Variants in GRIA1 observed in about 807,000 individuals in gnomAD.
The protein encoded by GRIA1 is glutamate receptor 1.
Under a neutral mutation model 99.2 loss-of-function variants are expected in GRIA1, and 31 were observed. The observed-to-expected ratio is 0.31, with a 90% CI of 0.23 to 0.42. The LOEUF (loss-of-function observed/expected upper bound fraction) is 0.42, where lower values mean the gene tolerates loss of function less well. Among genes scored for constraint, GRIA1 ranks in the 10% least tolerant of loss-of-function variants. GRIA1 has a pLI of 1.00. For missense variants in GRIA1, 782 were observed against 1,157.5 expected, an observed-to-expected ratio of 0.68 and a Z score of 4.71; for synonymous variants, 438 against 432.4, an observed-to-expected ratio of 1.01 and a Z score of -0.16.
chr5:153,517,891 C>A (rs1342031960), intron 2 of GRIA1, among the ~76,000 whole-genome samples: 1 of 152,224 alleles, frequency 6.6e-6, no homozygotes, highest in Non-Finnish European at 1.5e-5. Flanking sequence ...TAAATGTAGA[C>A]TCCCTTCCTT....
intron 2 of GRIA1, among the ~76,000 whole-genome samples, chr5:153,547,909 C>T (rs768901047): frequency 2.0e-5 from 3 of 152,118 alleles, no homozygotes; most frequent in African/African-American, 7.2e-5. Flanking sequence ...AGGGGCTATA[C>T]TAGGTATAGG....
chr5:153,522,716 C>T (rs1412148835), intron 2 of GRIA1, among the ~76,000 whole-genome samples: 1 of 152,112 alleles, frequency 6.6e-6, no homozygotes, highest in African/African-American at 2.4e-5. Context: ...CCCAAGGTCA[C>T]GGACATCATT....
intron 11 of GRIA1, among the ~76,000 whole-genome samples, chr5:153,742,601 T>C (rs1186336685): frequency 6.6e-6 from 1 of 152,160 alleles, no homozygotes; most frequent in African/African-American, 2.4e-5. Context: ...ACTTCCTGTG[T>C]TTGTGAGACT....
At chr5:153,517,907 A>G (rs1756777543) in intron 2 of GRIA1, among the ~76,000 whole-genome samples, 1 of 152,178 alleles carries the variant, frequency 6.6e-6, no homozygotes, top group African/African-American at 2.4e-5. Flanking sequence ...TCCTTGGCCT[A>G]CAAGGCCCTC....
At chr5:153,742,098 G>GGAAA (rs1184523430) in intron 11 of GRIA1, among the ~76,000 whole-genome samples, 1 of 151,176 alleles carries the variant, frequency 6.6e-6, no homozygotes, top group Non-Finnish European at 1.5e-5. Context: ...ATAATAGCTA[G>GGAAA]GAAAGATACG....
At chr5:153,550,955 T>C (rs1007777881) in intron 2 of GRIA1, among the ~76,000 whole-genome samples, 2 of 152,212 alleles carry the variant, frequency 1.3e-5, no homozygotes, top group Admixed American at 1.3e-4. Context: ...TAGTTACATA[T>C]GTATACAATG....
At position 153,634,178 on chromosome 5, in the gene GRIA1, C is replaced by T. The variant is rs529234390; in HGVS notation, c.221-12750C>T. Among the ~76,000 whole-genome samples, 581 of 151,904 alleles carry T rather than the reference C, an allele frequency of 3.8e-3. 1 individual carries two copies. Among genetic ancestry groups the T allele is most frequent in the Admixed American group, 4.1e-3 (63 of 15,262 alleles). On this transcript the variant is annotated intron_variant, in intron 2 of 15. Coordinates refer to ENST00000285900, the MANE Select transcript of GRIA1 (RefSeq NM_000827.4). ...AAAAATACAAAAAAAATTAGCCAGT[C>T]GTGATGGCAGGCACCTGTAGTCCCA...
At chr5:153,778,120 T>C (rs1412108998) in intron 13 of GRIA1, among the ~76,000 whole-genome samples, 2 of 140,922 alleles carry the variant, frequency 1.4e-5, no homozygotes, top group Non-Finnish European at 3.1e-5. Context: ...GGGAGGGAGG[T>C]TGGGAGTGAG....
intron 2 of GRIA1, among the ~76,000 whole-genome samples, chr5:153,500,934 C>T (rs1216751069): frequency 6.6e-6 from 1 of 152,086 alleles, no homozygotes; most frequent in Non-Finnish European, 1.5e-5. Context: ...CTCCCCCAAG[C>T]TTATTTATAA....
intron 2 of GRIA1, among the ~76,000 whole-genome samples, chr5:153,506,032 G>C (rs1755455067): frequency 1.3e-5 from 2 of 152,176 alleles, no homozygotes; most frequent in African/African-American, 4.8e-5. Flanking sequence ...CTAGGCAGAG[G>C]AGAATGAGGT....
At chr5:153,771,765 C>T (rs1434465268) in intron 13 of GRIA1, among the ~76,000 whole-genome samples, 1 of 152,118 alleles carries the variant, frequency 6.6e-6, no homozygotes, top group African/African-American at 2.4e-5. Context: ...AAAACTAGAA[C>T]TAAAAGCGTA....
At chr5:153,581,372 CT>C in intron 2 of GRIA1, among the ~76,000 whole-genome samples, 1 of 152,282 alleles carries the variant, frequency 6.6e-6, no homozygotes, top group East Asian at 1.9e-4. Flanking sequence ...CTGATCTGAC[CT>C]TTGCTGACCT....
At chr5:153,640,685 C>A (rs548053041) in intron 2 of GRIA1, among the ~76,000 whole-genome samples, 2 of 152,278 alleles carry the variant, frequency 1.3e-5, no homozygotes, top group Non-Finnish European at 2.9e-5. Context: ...CTCAAATCAC[C>A]CTTTATTTTC....
At chr5:153,713,140 C>T (rs1246190848) in intron 11 of GRIA1, among the ~76,000 whole-genome samples, 4 of 152,214 alleles carry the variant, frequency 2.6e-5, no homozygotes, top group African/African-American at 9.6e-5. Context: ...CAGCTCACTA[C>T]CCTATAGTAT....
rs80207267 is a variant in GRIA1 at position 153,653,588 on chromosome 5, C to G, written c.646-2231C>G. ...AAAATTAGTTAGAAGTGAGAATAGACCAGGACCTGTTGAGGTTATCCATCA... is the reference window on the plus strand; with the variant it reads ...AAAATTAGTTAGAAGTGAGAATAGAGCAGGACCTGTTGAGGTTATCCATCA... On this transcript the variant is annotated intron_variant, in intron 4 of 15. Coordinates refer to ENST00000285900, the MANE Select transcript of GRIA1 (RefSeq NM_000827.4). Among the ~76,000 whole-genome samples the G allele has an allele frequency of 7.8e-3, 1,183 of 152,218 alleles. 17 individuals carry two copies. Among genetic ancestry groups the G allele is most frequent in the African/African-American group, 0.026 (1,089 of 41,518 alleles).
rs1753838427 is a variant in GRIA1 at position 153,490,767 on chromosome 5, C to G, written c.-122C>G. On this transcript the variant is annotated 5_prime_UTR_variant, in exon 1 of 16. Transcript: ENST00000285900. The stretch of plus-strand genomic sequence containing the variant: ...TCACGAAAGGAAGGAAGCAAGCAAG[C>G]AAGGAAGGAACTGCAGGAGGAAAAG... The G allele has an allele frequency of 1.3e-6, 1 of 787,202 alleles. No individual in the cohort carries two copies. The highest frequency in any genetic ancestry group is 2.3e-6 in the Non-Finnish European group (1 of 440,216). 48.8% of individuals were successfully genotyped at this position (787,202 alleles called of 1,614,324 possible).
At chr5:153,714,218 C>T (rs189168432) in intron 11 of GRIA1, among the ~76,000 whole-genome samples, 79 of 152,156 alleles carry the variant, frequency 5.2e-4, no homozygotes, top group South Asian at 3.5e-3. Context: ...TCCATGCAGA[C>T]CAAACAAAAG....
In GRIA1 at chr5:153,490,722, C is replaced by T. The variant is rs887867994; in HGVS notation, c.-167C>T. The stretch of plus-strand genomic sequence containing the variant: ...ACGCTGCAGTTTAAGTGTTCGGATT[C>T]CAAGGGAAACAGACAAACCTCACGA... On this transcript the variant is annotated 5_prime_UTR_variant, in exon 1 of 16. Transcript: ENST00000285900. 2 of 699,082 alleles carry T rather than the reference C, an allele frequency of 2.9e-6. No individual in the cohort carries two copies. Among genetic ancestry groups the T allele is most frequent in the Non-Finnish European group, 5.2e-6 (2 of 381,908 alleles). The allele number at this position is 699,082 out of a possible 1,614,324, so 43.3% of individuals were successfully genotyped here.
At chr5:153,536,170 T>C (rs1396326116) in intron 2 of GRIA1, among the ~76,000 whole-genome samples, 3 of 152,196 alleles carry the variant, frequency 2.0e-5, no homozygotes, top group Non-Finnish European at 1.5e-5. Context: ...GTCTGTGTTC[T>C]AAACAATAGC....
Sources: allele counts gnomAD v4.1 joint callset (sites outside exome capture counted in the v4.1 genomes callset), GRCh38; gene constraint gnomAD v4.1.1; transcripts MANE v1.5; gene names NCBI Gene and HGNC (gene_info 2026-07-23, HGNC 2026-07-21).